Variants in ADCK1 observed in about 807,000 individuals in gnomAD.
The protein encoded by ADCK1 is aarF domain-containing protein kinase 1.
ADCK1 carries 41 observed loss-of-function variants against 52.3 expected under a neutral mutation model. The ratio of observed to expected loss-of-function variants is 0.78; its 90% CI spans 0.61 to 1.02. The LOEUF is 1.02. ADCK1 is among the 50% of genes least tolerant of loss of function. The probability of loss-of-function intolerance (pLI) is 0.00; values close to 1 mark genes in which losing one functional copy is unlikely to be tolerated. For missense variants in ADCK1, 658 were observed against 679.5 expected, an observed-to-expected ratio of 0.97 and a Z score of 0.35; for synonymous variants, 250 against 274.6, an observed-to-expected ratio of 0.91 and a Z score of 0.89.
chr14:77,852,675 A>ATATATAT (rs2082318734), intron 3 of ADCK1, among the ~76,000 whole-genome samples: 1 of 42,122 alleles, frequency 2.4e-5, no homozygotes, highest in African/African-American at 8.3e-5. Context: ...ATATATATAT[A>ATATATAT]TATATATATA....
At chr14:77,802,221 C>T (rs1379640669) in intron 1 of ADCK1, among the ~76,000 whole-genome samples, 1 of 152,004 alleles carries the variant, frequency 6.6e-6, no homozygotes, top group African/African-American at 2.4e-5. Context: ...TAGCATGCAC[C>T]TCGGAATCTG....
chr14:77,808,831 C>T (rs1406015345), intron 1 of ADCK1, among the ~76,000 whole-genome samples: 3 of 152,226 alleles, frequency 2.0e-5, no homozygotes, highest in Non-Finnish European at 2.9e-5. Context: ...CCGCCTTGGC[C>T]TCCCAAAGTG....
At chr14:77,849,444 T>G (rs1396991692) in intron 3 of ADCK1, among the ~76,000 whole-genome samples, 1 of 151,478 alleles carries the variant, frequency 6.6e-6, no homozygotes, top group African/African-American at 2.4e-5. Context: ...GTTATTTAGT[T>G]TTCTTTCTTT....
intron 4 of ADCK1, among the ~76,000 whole-genome samples, 145 bp from the exon 5 acceptor site, chr14:77,886,935 CACACACGCACA>C (rs2083164043): frequency 1.6e-5 from 2 of 121,866 alleles, no homozygotes; most frequent in African/African-American, 7.0e-5. Context: ...CACACACACA[CACACACGCACA>C]ACACACACAC....
At chr14:77,825,621 C>T (rs8014414) in intron 3 of ADCK1, among the ~76,000 whole-genome samples, 1,833 of 150,614 alleles carry the variant, frequency 0.012, 37 homozygotes, top group African/African-American at 0.043. Context: ...GTTGAACGAA[C>T]GAGTGAATGA....
At chr14:77,843,689 T>G (rs952967181) in intron 3 of ADCK1, among the ~76,000 whole-genome samples, 3 of 152,216 alleles carry the variant, frequency 2.0e-5, no homozygotes, top group African/African-American at 7.2e-5. Flanking sequence ...CACAGTCACA[T>G]CAGCTCATTT....
Position 77,847,828 on chromosome 14 carries a change from G to C in ADCK1, c.220-11248G>C, listed in dbSNP as rs184192952. ...TCTGTTTCTATAACGAGGCCTTCCA[G>C]ATCCCCCTGTGTGTTCATGAATTTG... On this transcript the variant is annotated intron_variant, in intron 3 of 10. Coordinates refer to ENST00000238561, the MANE Select transcript of ADCK1 (RefSeq NM_020421.4). Among the ~76,000 whole-genome samples, 85 of 152,264 alleles carry C rather than the reference G, an allele frequency of 5.6e-4. No individual in the cohort carries two copies. In the Middle Eastern group the frequency reaches 0.01, roughly 18 times the overall value.
At chr14:77,931,918 G>A (rs1188701213) in intron 10 of ADCK1, among the ~76,000 whole-genome samples, 1 of 152,238 alleles carries the variant, frequency 6.6e-6, no homozygotes. Flanking sequence ...AAGTCAGGAA[G>A]CCGTGATGTG....
At chr14:77,821,428 T>C (rs1175682033) in intron 2 of ADCK1, among the ~76,000 whole-genome samples, 1 of 152,152 alleles carries the variant, frequency 6.6e-6, no homozygotes, top group African/African-American at 2.4e-5. Context: ...CTCTTCTTAA[T>C]ATCAACTTTG....
intron 9 of ADCK1, among the ~76,000 whole-genome samples, chr14:77,926,461 A>G (rs1398375340): frequency 3.9e-5 from 6 of 152,008 alleles, no homozygotes; most frequent in Non-Finnish European, 5.9e-5. Context: ...TGCTCATCTC[A>G]TTGTCTGCAG....
At chr14:77,856,067 AG>A (rs2082410617) in intron 3 of ADCK1, among the ~76,000 whole-genome samples, 1 of 151,944 alleles carries the variant, frequency 6.6e-6, no homozygotes, top group Admixed American at 6.6e-5. Context: ...AAAATTAGCT[AG>A]GCGTGGTCGC....
At chr14:77,894,207 GC>G (rs1170108354) in intron 5 of ADCK1, among the ~76,000 whole-genome samples, 1 of 152,160 alleles carries the variant, frequency 6.6e-6, no homozygotes, top group Non-Finnish European at 1.5e-5. Flanking sequence ...TTTCTAAAAA[GC>G]GTGTACTTTA....
At chr14:77,909,491 C>A (rs117163622) in intron 7 of ADCK1, among the ~76,000 whole-genome samples, 1 of 152,262 alleles carries the variant, frequency 6.6e-6, no homozygotes, top group Non-Finnish European at 1.5e-5. Context: ...TGAAGATGAG[C>A]GTGAGCATGT....
At chr14:77,905,520 C>T (rs969076364) in intron 6 of ADCK1, among the ~76,000 whole-genome samples, 23 of 151,676 alleles carry the variant, frequency 1.5e-4, no homozygotes, top group African/African-American at 5.3e-4. Flanking sequence ...TTTAAGCTGC[C>T]TCTGGTGGGG....
At chr14:77,922,661 T>C (rs1314276440) in intron 7 of ADCK1, among the ~76,000 whole-genome samples, 6 of 152,326 alleles carry the variant, frequency 3.9e-5, no homozygotes, top group Non-Finnish European at 8.8e-5. Flanking sequence ...CAGCGTAGAA[T>C]AGCAGTTACT....
At chr14:77,919,842 G>A (rs574806067) in intron 7 of ADCK1, among the ~76,000 whole-genome samples, 1 of 152,110 alleles carries the variant, frequency 6.6e-6, no homozygotes, top group East Asian at 1.9e-4. Flanking sequence ...TAGTGACGTT[G>A]AGCATTTTTT....
intron 3 of ADCK1, among the ~76,000 whole-genome samples, chr14:77,845,997 C>T (rs575539660): frequency 9.5e-4 from 145 of 152,262 alleles, no homozygotes; most frequent in African/African-American, 3.2e-3. Flanking sequence ...GCAGCTTTTG[C>T]TATCGTACTT....
chr14:77,872,815 C>G (rs1448522767), intron 4 of ADCK1, among the ~76,000 whole-genome samples: 3 of 151,998 alleles, frequency 2.0e-5, no homozygotes, highest in Non-Finnish European at 4.4e-5. Context: ...GCTGGGATTA[C>G]AGGCATCCGC....
rs1012980088 is a variant in ADCK1, at chr14:77,923,911, G to T, written c.859-546G>T. 1 of 153,318 alleles carries T rather than the reference G, an allele frequency of 6.5e-6. No homozygotes were observed. Among genetic ancestry groups the T allele is most frequent in the Non-Finnish European group, 1.5e-5 (1 of 68,918 alleles). The allele number at this position is 153,318 out of a possible 1,614,324, so 9.5% of individuals were successfully genotyped here. A position where few individuals can be genotyped will look rare whatever the true frequency, so the allele number is the denominator to read the frequency against. On this transcript the variant is annotated intron_variant, in intron 7 of 10. Transcript: ENST00000238561. This position sits in a 1 kb window ranked among gnomAD's most constrained non-coding sequence, Gnocchi z 4.3. ...GAGAGGGGAGGGGAGCAGGGAGAGG[G>T]GAGGCGGGCCTGTGACTCTGGGTCC...
Sources: allele counts gnomAD v4.1 joint callset (sites outside exome capture counted in the v4.1 genomes callset), GRCh38; gene constraint gnomAD v4.1.1; non-coding constraint Gnocchi (gnomAD v3.1); transcripts MANE v1.5; gene names NCBI Gene and HGNC (gene_info 2026-07-23, HGNC 2026-07-21).